Variants in RCSD1 observed in about 807,000 individuals in gnomAD.
RCSD1 encodes the protein capZ-interacting protein.
In RCSD1, 26 loss-of-function variants were observed where a neutral mutation model predicts 42.5. That is an observed-to-expected ratio of 0.61 (90% confidence interval 0.45 to 0.85). The LOEUF (loss-of-function observed/expected upper bound fraction) is 0.85. Ranked by LOEUF, RCSD1 falls within the 40% of genes least tolerant of loss-of-function variation. The pLI is 0.00. For synonymous variants in RCSD1, 220 were observed against 212.2 expected (o/e 1.04, Z -0.32); for missense variants, 571 against 528.3 (o/e 1.08, Z -0.79).
chr1:167,699,089 C>T (rs370336114), intron 6 of RCSD1, among the ~76,000 whole-genome samples: 4 of 152,158 alleles, frequency 2.6e-5, no homozygotes, highest in Admixed American at 6.5e-5. Flanking sequence ...TGAGCCACCG[C>T]GCCCGGCCTT....
intron 1 of RCSD1, among the ~76,000 whole-genome samples, chr1:167,683,595 T>A (rs1054485272): frequency 2.0e-5 from 3 of 151,554 alleles, no homozygotes; most frequent in Middle Eastern, 3.2e-3. Flanking sequence ...GCCGGTGGGG[T>A]CCTTGAGGAA....
chr1:167,700,471 AC>A (rs1218933602), intron 6 of RCSD1, among the ~76,000 whole-genome samples: 1 of 151,406 alleles, frequency 6.6e-6, no homozygotes, highest in Non-Finnish European at 1.5e-5. Flanking sequence ...ACACAGTGAA[AC>A]CCCGTCTCTA....
chr1:167,646,194 G>T (rs1159914257), intron 1 of RCSD1, among the ~76,000 whole-genome samples: 1 of 152,180 alleles, frequency 6.6e-6, no homozygotes, highest in Admixed American at 6.5e-5. Flanking sequence ...CTGAGTTTTG[G>T]TTGAGGCATT....
intron 6 of RCSD1, among the ~76,000 whole-genome samples, chr1:167,701,950 G>C (rs1217904911): frequency 5.3e-5 from 8 of 152,166 alleles, no homozygotes; most frequent in African/African-American, 1.9e-4. Flanking sequence ...CCCAGAGGCA[G>C]CACACACCTC....
At chr1:167,675,785 T>C (rs1489295189) in intron 1 of RCSD1, among the ~76,000 whole-genome samples, 1 of 152,216 alleles carries the variant, frequency 6.6e-6, no homozygotes, top group Non-Finnish European at 1.5e-5. Flanking sequence ...CTTGCCTTAG[T>C]AATAAAATAG....
At chr1:167,650,087 A>AT (rs1196347091) in intron 1 of RCSD1, among the ~76,000 whole-genome samples, 2 of 152,088 alleles carry the variant, frequency 1.3e-5, no homozygotes, top group Admixed American at 6.6e-5. Context: ...GTGGCACAAG[A>AT]TTTGGGGGCC....
chr1:167,651,824 T>G (rs564310001), intron 1 of RCSD1, among the ~76,000 whole-genome samples: 7 of 152,260 alleles, frequency 4.6e-5, no homozygotes, highest in African/African-American at 1.7e-4. Flanking sequence ...GAGCCTCTGA[T>G]AGGCCTTCTC....
chr1:167,671,577 C>T (rs747836653), intron 1 of RCSD1, among the ~76,000 whole-genome samples: 3 of 152,202 alleles, frequency 2.0e-5, no homozygotes, highest in Non-Finnish European at 4.4e-5. Flanking sequence ...TCTTCTGCCA[C>T]CTTCTGCAGG....
At chr1:167,651,633 GCT>G (rs1658309778) in intron 1 of RCSD1, among the ~76,000 whole-genome samples, 1 of 152,174 alleles carries the variant, frequency 6.6e-6, no homozygotes, top group Non-Finnish European at 1.5e-5. Flanking sequence ...TGTTGCTCCT[GCT>G]GGTCCCTCTA....
At chr1:167,669,346 G>C (rs1178843876) in intron 1 of RCSD1, among the ~76,000 whole-genome samples, 3 of 152,322 alleles carry the variant, frequency 2.0e-5, no homozygotes, top group Non-Finnish European at 1.5e-5. Context: ...TGTGAGCCAA[G>C]GCCTATTGGC....
intron 1 of RCSD1, among the ~76,000 whole-genome samples, chr1:167,681,866 AT>A: frequency 6.6e-6 from 1 of 152,278 alleles, no homozygotes; most frequent in East Asian, 1.9e-4. Flanking sequence ...TGACTTCCTT[AT>A]GTGGCAAGTG....
chr1:167,654,235 G>A (rs1214554231), intron 1 of RCSD1, among the ~76,000 whole-genome samples: 6 of 152,192 alleles, frequency 3.9e-5, no homozygotes, highest in African/African-American at 7.2e-5. Context: ...GGAGCTGAGC[G>A]ACAAAGAAGT....
chr1:167,671,038 G>T (rs1256164105), intron 1 of RCSD1, among the ~76,000 whole-genome samples: 3 of 152,154 alleles, frequency 2.0e-5, no homozygotes, highest in Non-Finnish European at 2.9e-5. Context: ...GGTCACCACT[G>T]GGCCCAGTTT....
At chr1:167,704,231 A>G (rs1252420341) in intron 6 of RCSD1, among the ~76,000 whole-genome samples, 4 of 152,124 alleles carry the variant, frequency 2.6e-5, no homozygotes, top group Admixed American at 2.6e-4. Context: ...AAGAATCTTG[A>G]GCAGTGTTTC....
At position 167,675,668 on chromosome 1, in the gene RCSD1, T is replaced by C. The variant is rs560606155; in HGVS notation, c.7-8232T>C. The stretch of plus-strand genomic sequence containing the variant: ...ACCCTTGTCGTGACCCTAAAAGCCA[T>C]AAAACGAAACTCAGCTGTATTTATT... On this transcript the variant is annotated intron_variant, in intron 1 of 6. Coordinates refer to ENST00000367854, the MANE Select transcript of RCSD1 (RefSeq NM_052862.4). Among the ~76,000 whole-genome samples the C allele has an allele frequency of 4.9e-4, 75 of 152,232 alleles. 1 individual carries two copies. The highest frequency in any genetic ancestry group is 6.5e-4 in the Non-Finnish European group (44 of 67,996).
In RCSD1 at chr1:167,681,610, T is replaced by G. The variant is rs1056813296; in HGVS notation, c.7-2290T>G. On this transcript the variant is annotated intron_variant, in intron 1 of 6. Transcript: ENST00000367854. ...GGGAAGTAAGGGAGGAGCTTTTGAT[T>G]CCTATACAGCTCTATTTTTAACTGG... 2.6e-5 allele frequency among the ~76,000 whole-genome samples: 4 copies of G among 152,334 alleles called. No homozygotes were observed. The Middle Eastern group carries it at 0.01, about 389-fold the overall frequency.
Position 167,697,138 on chromosome 1 carries a change from A to G in RCSD1, c.514A>G (p.Arg172Gly), listed in dbSNP as rs753115634. ...CTCAATAAAAAGGCGCCCTCCCTCC[A>G]GGCGATTCCGAAGGTCACAGTCAGA... Reference protein sequence around the residue: ...RGSIKRRPPSRRFRRSQSDCG... With the variant: ...RGSIKRRPPSGRFRRSQSDCG... Residue 172 changes from arginine to glycine, a missense_variant, in exon 6 of 7, where the codon AGG becomes GGG. Coordinates refer to ENST00000367854, the MANE Select transcript of RCSD1 (RefSeq NM_052862.4). 1.2e-6 allele frequency: 2 copies of G among 1,614,122 alleles called. No individual in the cohort carries two copies. The highest frequency in any genetic ancestry group is 1.7e-6 in the Non-Finnish European group (2 of 1,180,010).
rs923363641 is a variant in RCSD1, at chr1:167,706,402, T to C, written c.*1706T>C. ...TTTATTTATATATGTCTTTGGGTTG[T>C]TTATACACATGCACTATCTGGGCAA... On this transcript the variant is annotated 3_prime_UTR_variant, in exon 7 of 7. Transcript: ENST00000367854. Among the ~76,000 whole-genome samples the C allele has an allele frequency of 5.9e-5, 9 of 152,220 alleles. No homozygotes were observed. The highest frequency in any genetic ancestry group is 1.2e-4 in the Non-Finnish European group (8 of 68,036).
At chr1:167,660,522 T>G (rs576531726) in intron 1 of RCSD1, among the ~76,000 whole-genome samples, 1 of 151,720 alleles carries the variant, frequency 6.6e-6, no homozygotes, top group South Asian at 2.1e-4. Flanking sequence ...CAGGCTGGAG[T>G]GCAGTCATAG....
Sources: allele counts gnomAD v4.1 joint callset (sites outside exome capture counted in the v4.1 genomes callset), GRCh38; gene constraint gnomAD v4.1.1; transcripts MANE v1.5; gene names NCBI Gene and HGNC (gene_info 2026-07-23, HGNC 2026-07-21).